The following PTPRN2 variants were observed in gnomAD, a reference collection of about 807,000 sequenced individuals.
PTPRN2 encodes receptor-type tyrosine-protein phosphatase N2.
In PTPRN2, 74 loss-of-function variants were observed where a neutral mutation model predicts 118.8. The ratio of observed to expected loss-of-function variants is 0.62; its 90% CI spans 0.52 to 0.76. The LOEUF is 0.76. Ranked by LOEUF, PTPRN2 falls within the 30% of genes least tolerant of loss-of-function variation. The pLI, the probability that PTPRN2 is intolerant of heterozygous loss-of-function variation, is 0.00. For missense variants in PTPRN2, 1,481 were observed against 1,394.4 expected (o/e 1.06, Z -0.99); for synonymous variants, 641 against 608.0 (o/e 1.05, Z -0.80).
intron 1 of PTPRN2, 107 bp from the exon 2 acceptor site, chr7:158,489,892 A>G (rs1196613524): frequency 9.4e-7 from 1 of 1,069,322 alleles, no homozygotes; most frequent in South Asian, 1.5e-5. Flanking sequence ...CCGCCGGTCA[A>G]GCAGGCTCCT....
intron 12 of PTPRN2, among the ~76,000 whole-genome samples, chr7:157,877,210 A>C (rs1232625715): frequency 1.5e-5 from 2 of 131,900 alleles, no homozygotes; most frequent in African/African-American, 2.9e-5. Context: ...GTCCGAGTGC[A>C]GCACCAGGGT....
chr7:157,795,841 G>A (rs550028069), intron 12 of PTPRN2, among the ~76,000 whole-genome samples: 8 of 152,328 alleles, frequency 5.3e-5, no homozygotes, highest in African/African-American at 1.7e-4. Context: ...TCACCAAGGG[G>A]TGCATGTCAC....
Position 157,604,085 on chromosome 7 carries a change from C to T in PTPRN2, c.2345-10G>A, listed in dbSNP as rs369188907. On this transcript the variant is annotated splice_polypyrimidine_tract_variant and intron_variant, in intron 15 of 22. Coordinates refer to ENST00000389418, the MANE Select transcript of PTPRN2 (RefSeq NM_002847.5). The stretch of plus-strand genomic sequence containing the variant: ...ACCCGGGAGTGGTCATCTGCAAGGA[C>T]ACAGTGCAGGGGTCAGAGGAACATT... The T allele has an allele frequency of 6.2e-7, 1 of 1,613,406 alleles. No individual in the cohort carries two copies. The highest frequency in any genetic ancestry group is 8.5e-7 in the Non-Finnish European group (1 of 1,179,756).
chr7:157,919,203 G>GT (rs1306085598), intron 11 of PTPRN2, among the ~76,000 whole-genome samples: 1 of 152,152 alleles, frequency 6.6e-6, no homozygotes, highest in African/African-American at 2.4e-5. Flanking sequence ...AGGACTTCAT[G>GT]TTTTTTAAAT....
chr7:157,988,596 G>A (rs1465640922), intron 11 of PTPRN2, among the ~76,000 whole-genome samples: 4 of 152,192 alleles, frequency 2.6e-5, no homozygotes, highest in East Asian at 1.9e-4. Flanking sequence ...TGAGTCAGAC[G>A]GGTGCAAACC....
rs758632347 is a variant in PTPRN2 at position 157,596,951 on chromosome 7, C to T, written c.2419-1636G>A. Reference sequence around the variant, plus strand: ...CGCACGAGGACATCAGTGGTGGCCCCGGTGCTACCTTAAGTGCTGCTGCAT... The same window carrying T: ...CGCACGAGGACATCAGTGGTGGCCCTGGTGCTACCTTAAGTGCTGCTGCAT... On this transcript the variant is annotated intron_variant, in intron 16 of 22. Coordinates refer to ENST00000389418, the MANE Select transcript of PTPRN2 (RefSeq NM_002847.5). This position sits in a 1 kb window ranked among gnomAD's most constrained non-coding sequence, Gnocchi z 4.2. Among the ~76,000 whole-genome samples, 11 of 152,180 alleles carry T rather than the reference C, an allele frequency of 7.2e-5. No individual in the cohort carries two copies. Among genetic ancestry groups the T allele is most frequent in the African/African-American group, 1.4e-4 (6 of 41,430 alleles).
intron 10 of PTPRN2, among the ~76,000 whole-genome samples, chr7:158,102,065 G>T (rs971964790): frequency 4.6e-5 from 7 of 152,184 alleles, no homozygotes; most frequent in Non-Finnish European, 1.0e-4. Flanking sequence ...CCAAGCCCCA[G>T]ATCGCAAACT....
chr7:157,721,292 C>A (rs759775995), intron 12 of PTPRN2, among the ~76,000 whole-genome samples: 3 of 152,170 alleles, frequency 2.0e-5, no homozygotes, highest in Non-Finnish European at 4.4e-5. Context: ...GTCAGGGGTG[C>A]CTGGTCTGCA....
chr7:157,936,631 TC>T (rs1294985496), intron 11 of PTPRN2, among the ~76,000 whole-genome samples: 1 of 120,498 alleles, frequency 8.3e-6, no homozygotes, highest in African/African-American at 3.2e-5. Context: ...AGGGTGGGGT[TC>T]TACAGTGCAG....
intron 12 of PTPRN2, among the ~76,000 whole-genome samples, chr7:157,758,216 T>C (rs964544033): frequency 6.6e-6 from 1 of 152,236 alleles, no homozygotes; most frequent in African/African-American, 2.4e-5. Flanking sequence ...GGACAGGTAC[T>C]AATGCCGACC....
At position 157,566,011 on chromosome 7, in the gene PTPRN2, G is replaced by T. The variant is rs1475861811; in HGVS notation, c.2902+2891C>A. Reference sequence around the variant, plus strand: ...ATCATCGTCTACTTGCTGCTAAACTGGACAGTAGAGAAAGAACTTCAACTA... The same window carrying T: ...ATCATCGTCTACTTGCTGCTAAACTTGACAGTAGAGAAAGAACTTCAACTA... On this transcript the variant is annotated intron_variant, in intron 21 of 22. Transcript: ENST00000389418. Among the ~76,000 whole-genome samples the T allele has an allele frequency of 2.6e-5, 4 of 152,310 alleles. No individual in the cohort carries two copies. The East Asian group carries it at 7.7e-4, about 29-fold the overall frequency.
rs200358224 is a variant in PTPRN2 at position 157,549,037 on chromosome 7, T to G, written c.2903-18A>C. 6 of 1,612,618 alleles carry G rather than the reference T, an allele frequency of 3.7e-6. No individual in the cohort carries two copies. The South Asian group carries it at 6.6e-5, about 18-fold the overall frequency. On this transcript the variant is annotated intron_variant, in intron 21 of 22. Transcript: ENST00000389418. ...TTTAGCACCTGCAACAAACCACAAA[T>G]TGGGCTGAGTTCAGAGCACAAGATA...
chr7:158,251,681 C>A (rs1366038625), intron 3 of PTPRN2, among the ~76,000 whole-genome samples: 3 of 150,376 alleles, frequency 2.0e-5, no homozygotes, highest in Non-Finnish European at 4.4e-5. Flanking sequence ...GTCTATGGTG[C>A]ACGTGTGGTG....
chr7:158,450,941 G>A lies in PTPRN2; in HGVS notation c.163+38794C>T, dbSNP rs568842061. On this transcript the variant is annotated intron_variant, in intron 2 of 22. Transcript: ENST00000389418. The stretch of plus-strand genomic sequence containing the variant: ...CTGCCCACCTGCTGTCCAAGCCCCC[G>A]AGGAGCTCAGAGGTTGTGTATCACA... 7.9e-5 allele frequency among the ~76,000 whole-genome samples: 12 copies of A among 152,142 alleles called. No individual in the cohort carries two copies. In the South Asian group the frequency reaches 8.3e-4, roughly 11 times the overall value.
intron 6 of PTPRN2, among the ~76,000 whole-genome samples, chr7:158,148,945 ACGCCACG>A (rs1820533901): frequency 1.1e-5 from 1 of 91,654 alleles, no homozygotes; most frequent in Non-Finnish European, 2.2e-5. Context: ...ACCCCATCTC[ACGCCACG>A]TGTCTTTCCC....
chr7:158,430,305 G>C (rs1270513209), intron 2 of PTPRN2, among the ~76,000 whole-genome samples: 3 of 152,238 alleles, frequency 2.0e-5, no homozygotes, highest in Non-Finnish European at 2.9e-5. Context: ...CACAAACTCA[G>C]CATGGGATGA....
At position 157,540,711 on chromosome 7, in the gene PTPRN2, C is replaced by G; in HGVS notation, c.*3G>C. The G allele has an allele frequency of 1.3e-6, 2 of 1,556,644 alleles. No individual in the cohort carries two copies. The highest frequency in any genetic ancestry group is 1.7e-6 in the Non-Finnish European group (2 of 1,148,688). ...GCTCCCCTGAGGCCCCTGAGGCTGC[C>G]GCTCACTGGGGAAGGGCCTTGAGGA... On this transcript the variant is annotated 3_prime_UTR_variant, in exon 23 of 23. Transcript: ENST00000389418.
At chr7:157,728,591 A>T (rs6946736) in intron 12 of PTPRN2, among the ~76,000 whole-genome samples, 114,918 of 152,176 alleles carry the variant, frequency 0.76, 43,679 homozygotes, top group African/African-American at 0.83. Context: ...TACACTCTTA[A>T]CTTATCCACA....
At chr7:158,387,427 G>A (rs1001251757) in intron 2 of PTPRN2, among the ~76,000 whole-genome samples, 1 of 8,416 alleles carries the variant, frequency 1.2e-4, no homozygotes. Flanking sequence ...CTGGAAGGCA[G>A]ATGGTGACCA....
Sources: gnomAD v4.1 joint callset for allele counts (sites outside exome capture counted in the v4.1 genomes callset) on GRCh38, gnomAD v4.1.1 for gene constraint, Gnocchi (gnomAD v3.1) non-coding constraint, MANE v1.5 for transcripts, NCBI Gene and HGNC (gene_info 2026-07-23, HGNC 2026-07-21) for gene names.